PPARD: variants seen among roughly 807,000 people sequenced by gnomAD.
PPARD encodes peroxisome proliferator-activated receptor delta.
A neutral mutation model predicts 39.5 loss-of-function variants in PPARD; 6 were observed. That is an observed-to-expected ratio of 0.15 (90% CI 0.08 to 0.30). PPARD has a LOEUF of 0.30. PPARD is among the 10% of genes least tolerant of loss of function. The pLI, the probability that PPARD is intolerant of heterozygous loss-of-function variation, is 1.00. For missense variants in PPARD, 397 were observed against 596.8 expected (o/e 0.67, Z 3.49); for synonymous variants, 210 against 231.3 (o/e 0.91, Z 0.83).
intron 2 of PPARD, among the ~76,000 whole-genome samples, chr6:35,357,184 T>C (rs1338013057): frequency 6.6e-6 from 1 of 152,184 alleles, no homozygotes; most frequent in African/African-American, 2.4e-5. Flanking sequence ...TTTGACCTGG[T>C]GGTCATGGCA....
chr6:35,408,417 G>A (rs1765198590), intron 2 of PPARD, among the ~76,000 whole-genome samples: 1 of 152,168 alleles, frequency 6.6e-6, no homozygotes, highest in Admixed American at 6.5e-5. Flanking sequence ...AGGAGTGACT[G>A]CCCCAGCTGC....
intron 1 of PPARD, among the ~76,000 whole-genome samples, chr6:35,344,737 G>T (rs1017967116): frequency 6.6e-6 from 1 of 152,054 alleles, no homozygotes; most frequent in Non-Finnish European, 1.5e-5. Context: ...TAGGAGCTGC[G>T]GTGGAGAGCC....
chr6:35,347,584 A>T, intron 2 of PPARD, among the ~76,000 whole-genome samples: 1 of 147,220 alleles, frequency 6.8e-6, no homozygotes, highest in African/African-American at 2.5e-5. Context: ...TTAGGGGGCA[A>T]ATATATATAT....
At position 35,348,331 on chromosome 6, in the gene PPARD, AAC is replaced by A. The variant is rs1273198888; in HGVS notation, c.-102+1187_-102+1188del. The A allele has an allele frequency of 1.9e-5, 19 of 984,956 alleles. No individual in the cohort carries two copies. The South Asian group carries it at 8.5e-4, about 44-fold the overall frequency. The allele number at this position is 984,956 out of a possible 1,614,324, so 61.0% of individuals were successfully genotyped here. ...GCTGGTATATATGAGAGCTGGCCAT[AAC>A]ACACAGAATTGTTTCTTCCATCTCT... On this transcript the variant is annotated intron_variant, in intron 2 of 7. Transcript: ENST00000360694.
At chr6:35,348,398 T>C in intron 2 of PPARD, 3 of 985,422 alleles carry the variant, frequency 3.0e-6, no homozygotes, top group Non-Finnish European at 3.6e-6. Context: ...TGAACAATGC[T>C]CTGGGTTCCC....
At chr6:35,381,195 T>G (rs1763133529) in intron 2 of PPARD, among the ~76,000 whole-genome samples, 1 of 152,158 alleles carries the variant, frequency 6.6e-6, no homozygotes, top group South Asian at 2.1e-4. Flanking sequence ...TACCTCTTCC[T>G]TCTAGTGCTT....
At chr6:35,389,288 GT>G (rs573270451) in intron 2 of PPARD, among the ~76,000 whole-genome samples, 235 of 151,950 alleles carry the variant, frequency 1.5e-3, no homozygotes, top group African/African-American at 5.0e-3. Flanking sequence ...TGGGTGATGG[GT>G]TTTTTTGGTT....
intron 2 of PPARD, among the ~76,000 whole-genome samples, chr6:35,390,506 T>A (rs1230767588): frequency 6.6e-6 from 1 of 152,162 alleles, no homozygotes; most frequent in Non-Finnish European, 1.5e-5. Flanking sequence ...TTCCCAACAG[T>A]TATTAACTTT....
chr6:35,388,691 GAC>G (rs2150652656), intron 2 of PPARD, among the ~76,000 whole-genome samples: 1 of 152,214 alleles, frequency 6.6e-6, no homozygotes, highest in East Asian at 1.9e-4. Context: ...CAGCCTGGGT[GAC>G]AGAGTGAGAC....
rs369470691 is a variant in PPARD at position 35,409,696 on chromosome 6, C to T, written c.-101-1291C>T. Among the ~76,000 whole-genome samples the T allele has an allele frequency of 4.6e-5, 7 of 152,134 alleles. No homozygotes were observed. In the East Asian group the frequency reaches 9.6e-4, roughly 21 times the overall value. ...GTACCCGATAGTTATTTTTTCTGCTCCTCTCCTCCTCCCAGCCTCCACCCT... is the reference window on the plus strand; with the variant it reads ...GTACCCGATAGTTATTTTTTCTGCTTCTCTCCTCCTCCCAGCCTCCACCCT... On this transcript the variant is annotated intron_variant, in intron 2 of 7. Coordinates refer to ENST00000360694, the MANE Select transcript of PPARD (RefSeq NM_006238.5).
At chr6:35,407,777 G>T (rs565177827) in intron 2 of PPARD, among the ~76,000 whole-genome samples, 26 of 149,386 alleles carry the variant, frequency 1.7e-4, no homozygotes, top group Non-Finnish European at 3.4e-4. Flanking sequence ...AAAAATAAAA[G>T]AATAATTGTC....
chr6:35,345,590 T>C (rs1792121561), intron 1 of PPARD, among the ~76,000 whole-genome samples: 1 of 152,218 alleles, frequency 6.6e-6, no homozygotes. Flanking sequence ...TCCTTGCCTC[T>C]TCACCATGGC....
In PPARD at chr6:35,413,308, T is replaced by C. The variant is rs182580427; in HGVS notation, c.130+2091T>C. Among the ~76,000 whole-genome samples, 81 of 152,326 alleles carry C rather than the reference T, an allele frequency of 5.3e-4. No individual in the cohort carries two copies. The East Asian group carries it at 0.015, about 28-fold the overall frequency. On this transcript the variant is annotated intron_variant, in intron 3 of 7. Coordinates refer to ENST00000360694, the MANE Select transcript of PPARD (RefSeq NM_006238.5). ...GGCAGAGGTTGCCTCACCAGTCACA[T>C]GGTACTATGTAGGCGGTGGTGTTTA...
intron 2 of PPARD, among the ~76,000 whole-genome samples, chr6:35,390,786 G>A (rs1199692030): frequency 6.6e-6 from 1 of 152,164 alleles, no homozygotes; most frequent in African/African-American, 2.4e-5. Flanking sequence ...ACTTTGAGAG[G>A]CCAAGGCAGG....
intron 2 of PPARD, among the ~76,000 whole-genome samples, chr6:35,373,879 C>T (rs1762638283): frequency 6.6e-6 from 1 of 152,094 alleles, no homozygotes. Context: ...CCATGTTGCT[C>T]AGGCTGGTCT....
intron 2 of PPARD, among the ~76,000 whole-genome samples, chr6:35,365,727 A>G (rs1348753270): frequency 2.0e-5 from 3 of 151,500 alleles, no homozygotes; most frequent in Non-Finnish European, 2.9e-5. Flanking sequence ...CTGATCTCAA[A>G]TGATTTGCTC....
At chr6:35,399,759 T>C (rs1042402595) in intron 2 of PPARD, among the ~76,000 whole-genome samples, 1 of 152,212 alleles carries the variant, frequency 6.6e-6, no homozygotes, top group Non-Finnish European at 1.5e-5. Context: ...TTCTATTCTT[T>C]TTCTAGTCAT....
intron 3 of PPARD, among the ~76,000 whole-genome samples, chr6:35,414,165 A>C (rs960125206): frequency 1.3e-5 from 2 of 152,158 alleles, no homozygotes; most frequent in Non-Finnish European, 2.9e-5. Context: ...CATATGGTGG[A>C]ATACTCTGGA....
chr6:35,366,389 G>T lies in PPARD; in HGVS notation c.-102+19239G>T, dbSNP rs1464610962. On this transcript the variant is annotated intron_variant, in intron 2 of 7. Transcript: ENST00000360694. This position sits in a 1 kb window ranked among gnomAD's most constrained non-coding sequence, Gnocchi z 4.6. ...TCTGAGAACAGTGTGAGCCATGGAAGGTCTTTGAGCAGGAGAATAATGTGA... is the reference window on the plus strand; with the variant it reads ...TCTGAGAACAGTGTGAGCCATGGAATGTCTTTGAGCAGGAGAATAATGTGA... 6.6e-6 allele frequency among the ~76,000 whole-genome samples: 1 copy of T among 151,552 alleles called. No homozygotes were observed. The highest frequency in any genetic ancestry group is 2.4e-5 in the African/African-American group (1 of 40,862).
Sources: allele counts gnomAD v4.1 joint callset (sites outside exome capture counted in the v4.1 genomes callset), GRCh38; gene constraint gnomAD v4.1.1; non-coding constraint Gnocchi (gnomAD v3.1); transcripts MANE v1.5; gene names NCBI Gene and HGNC (gene_info 2026-07-23, HGNC 2026-07-21).